IRAK3: variants seen among roughly 807,000 people sequenced by gnomAD.
IRAK3 encodes the protein interleukin 1 receptor associated kinase 3, also known as interleukin-1 receptor-associated kinase 3.
IRAK3 carries 57 observed loss-of-function variants against 56.6 expected under a neutral mutation model. The ratio of observed to expected loss-of-function variants is 1.01; its 90% CI spans 0.81 to 1.26. IRAK3 has a LOEUF of 1.26. Ranked by LOEUF, IRAK3 falls within the 50% of genes most tolerant of loss-of-function variation. IRAK3 has a pLI of 0.00. For missense variants in IRAK3, 703 were observed against 719.0 expected, an observed-to-expected ratio of 0.98 and a Z score of 0.25; for synonymous variants, 258 against 255.7, an observed-to-expected ratio of 1.01 and a Z score of -0.09.
intron 1 of IRAK3, among the ~76,000 whole-genome samples, chr12:66,199,441 A>G (rs2052486329): frequency 6.6e-6 from 1 of 152,126 alleles, no homozygotes; most frequent in Non-Finnish European, 1.5e-5. Flanking sequence ...GCTCAGACTC[A>G]TTTATTTGTC....
chr12:66,196,061 A>G lies in IRAK3; in HGVS notation c.133+6629A>G, dbSNP rs370133968. ...TTATCACCTCTCACATACTTTATGT[A>G]TGTAAGTATCTCTATGTATATATAA... On this transcript the variant is annotated intron_variant, in intron 1 of 11. Coordinates refer to ENST00000261233, the MANE Select transcript of IRAK3 (RefSeq NM_007199.3). Among the ~76,000 whole-genome samples, 20 of 151,712 alleles carry G rather than the reference A, an allele frequency of 1.3e-4. No individual in the cohort carries two copies. In the South Asian group the frequency reaches 4.0e-3, roughly 30 times the overall value.
At chr12:66,200,317 G>C (rs2052494660) in intron 1 of IRAK3, among the ~76,000 whole-genome samples, 1 of 152,182 alleles carries the variant, frequency 6.6e-6, no homozygotes, top group Non-Finnish European at 1.5e-5. Flanking sequence ...GAAGAACACT[G>C]AGAGTCCAGC....
chr12:66,197,395 G>A, intron 1 of IRAK3: 1 of 989,914 alleles, frequency 1.0e-6, no homozygotes. Context: ...AACATGTTGA[G>A]AGTTTGCATT....
rs534373642 is a variant in IRAK3, at chr12:66,252,117, G to A, written c.*3946G>A. 22 of 152,352 alleles carry A rather than the reference G, an allele frequency of 1.4e-4. No homozygotes were observed. Among genetic ancestry groups the A allele is most frequent in the African/African-American group, 5.0e-4 (21 of 41,588 alleles). The allele number at this position is 152,352 out of a possible 1,614,324, so 9.4% of individuals were successfully genotyped here. A position where few individuals can be genotyped will look rare whatever the true frequency, so the allele number is the denominator to read the frequency against. ...CCCTAATGCCAGAAAAATGGGGTAA[G>A]GGTGAAGGGAACTGGGTCTAGAGCT... On this transcript the variant is annotated 3_prime_UTR_variant, in exon 12 of 12. Coordinates refer to ENST00000261233, the MANE Select transcript of IRAK3 (RefSeq NM_007199.3).
rs540804363 is a variant in IRAK3, at chr12:66,244,475, C to G, written c.888-11C>G. 2 of 1,610,838 alleles carry G rather than the reference C, an allele frequency of 1.2e-6. No homozygotes were observed. Among genetic ancestry groups the G allele is most frequent in the African/African-American group, 2.7e-5 (2 of 74,948 alleles). On this transcript the variant is annotated splice_polypyrimidine_tract_variant and intron_variant, in intron 8 of 11. Transcript: ENST00000261233. ...ATATTTTGTCTTGTTTGTCCCTGAT[C>G]ACAATTTTAGTGCAAACATCCTTTT...
At chr12:66,220,783 G>A (rs2052725253) in intron 6 of IRAK3, among the ~76,000 whole-genome samples, 1 of 152,060 alleles carries the variant, frequency 6.6e-6, no homozygotes, top group Non-Finnish European at 1.5e-5. Context: ...GCCTCCCAAA[G>A]TGCTGGGATT....
intron 8 of IRAK3, among the ~76,000 whole-genome samples, chr12:66,240,128 A>G (rs1152912): frequency 0.45 from 68,344 of 152,066 alleles, 18,473 homozygotes; most frequent in Non-Finnish European, 0.58. Context: ...TGGCCAGCCT[A>G]TATCCTTTAA....
Position 66,228,292 on chromosome 12 carries a change from T to C in IRAK3, c.809T>C (p.Ile270Thr), listed in dbSNP as rs772098371. 4 of 1,614,184 alleles carry C rather than the reference T, an allele frequency of 2.5e-6. No homozygotes were observed. The South Asian group carries it at 4.4e-5, about 18-fold the overall frequency. ...APLPWHIRIG[I>T]LIGISKAIHY... is the part of the protein sequence containing the mutation. ...CTCCCTTGGCACATTCGAATCGGTA[T>C]ATTAATAGGAATATCCAAAGCCATT... The change falls in exon 8 of 12, where the codon ATA (isoleucine) becomes ACA (threonine). Residue 270 changes from isoleucine (I) to threonine (T), a missense_variant. Ile to Thr is a moderately conservative substitution (Grantham distance 89, BLOSUM62 -1). Transcript: ENST00000261233.
At position 66,252,490 on chromosome 12, in the gene IRAK3, T is replaced by G. The variant is rs944969027; in HGVS notation, c.*4319T>G. ...TATCCTACTCCTCTGCTACAACTTC[T>G]CTGCTACAGGCACCCACTGCAGTTA... On this transcript the variant is annotated 3_prime_UTR_variant, in exon 12 of 12. Transcript: ENST00000261233. 1 of 152,252 alleles carries G rather than the reference T, an allele frequency of 6.6e-6. No individual in the cohort carries two copies. Among genetic ancestry groups the G allele is most frequent in the African/African-American group, 2.4e-5 (1 of 41,456 alleles). 9.4% of individuals were successfully genotyped at this position (152,252 alleles called of 1,614,324 possible).
chr12:66,214,891 G>A (rs1205546193), intron 5 of IRAK3, among the ~76,000 whole-genome samples: 1 of 152,182 alleles, frequency 6.6e-6, no homozygotes, highest in Non-Finnish European at 1.5e-5. Flanking sequence ...TCTAAGAGAC[G>A]AGGTGAAGTG....
chr12:66,190,366 A>C (rs781353007), intron 1 of IRAK3, among the ~76,000 whole-genome samples: 6 of 144,988 alleles, frequency 4.1e-5, no homozygotes, highest in Non-Finnish European at 3.1e-5. Flanking sequence ...AAGCTCTGTA[A>C]TTTTAAGTTA....
chr12:66,244,785 C>A, intron 9 of IRAK3, 101 bp downstream of exon 9: 2 of 1,130,630 alleles, frequency 1.8e-6, no homozygotes, highest in East Asian at 2.5e-5. Context: ...TCATTGATTT[C>A]CTGTTAGCTC....
intron 4 of IRAK3, 21 bp from the exon 5 acceptor site, chr12:66,211,425 C>G (rs752211995): frequency 2.6e-6 from 4 of 1,551,162 alleles, no homozygotes; most frequent in Non-Finnish European, 3.6e-6. Context: ...AACTTATCTT[C>G]CCCCTACTTT....
At chr12:66,235,358 A>G (rs1013306559) in intron 8 of IRAK3, 1 of 1,028,488 alleles carries the variant, frequency 9.7e-7, no homozygotes, top group Non-Finnish European at 1.2e-6. Context: ...CGCGAGGGGG[A>G]GGACGCAAGG....
intron 1 of IRAK3, among the ~76,000 whole-genome samples, chr12:66,200,632 C>G (rs2052497652): frequency 6.6e-6 from 1 of 152,150 alleles, no homozygotes; most frequent in Non-Finnish European, 1.5e-5. Context: ...TCAGTGGGAG[C>G]ATAAAGTTGA....
intron 8 of IRAK3, among the ~76,000 whole-genome samples, chr12:66,240,318 G>C (rs889431149): frequency 6.6e-6 from 1 of 152,142 alleles, no homozygotes; most frequent in Non-Finnish European, 1.5e-5. Context: ...ACCCATTACT[G>C]GGCCTTTGCA....
At chr12:66,231,263 G>A (rs1431003890) in intron 8 of IRAK3, among the ~76,000 whole-genome samples, 1 of 152,094 alleles carries the variant, frequency 6.6e-6, no homozygotes, top group African/African-American at 2.4e-5. Flanking sequence ...CATAATCCCA[G>A]CACTTTGGGA....
intron 5 of IRAK3, among the ~76,000 whole-genome samples, chr12:66,214,974 T>C (rs1042972375): frequency 1.3e-5 from 2 of 152,206 alleles, no homozygotes; most frequent in Non-Finnish European, 2.9e-5. Context: ...AGTTTGCAGC[T>C]TGCATTACCG....
At chr12:66,217,991 G>A (rs1192364097) in intron 6 of IRAK3, among the ~76,000 whole-genome samples, 1 of 152,112 alleles carries the variant, frequency 6.6e-6, no homozygotes. Flanking sequence ...AATTGTAATA[G>A]TAAAAAGTTT....
Sources: gnomAD v4.1 joint callset for allele counts (sites outside exome capture counted in the v4.1 genomes callset) on GRCh38, gnomAD v4.1.1 for gene constraint, MANE v1.5 for transcripts, NCBI Gene and HGNC (gene_info 2026-07-23, HGNC 2026-07-21) for gene names.